The following CARD8 variants were observed in gnomAD, a reference collection of about 807,000 sequenced individuals.
CARD8 encodes the protein caspase recruitment domain family member 8.
In CARD8, 38 loss-of-function variants were observed where a neutral mutation model predicts 53.2. The ratio of observed to expected loss-of-function variants is 0.71; its 90% CI spans 0.55 to 0.94. The LOEUF (loss-of-function observed/expected upper bound fraction) is 0.94, where lower values mean the gene tolerates loss of function less well. Among genes scored for constraint, CARD8 ranks in the 40% least tolerant of loss-of-function variants. The pLI, the probability that CARD8 is intolerant of heterozygous loss-of-function variation, is 0.00. For missense variants in CARD8, 561 were observed against 655.5 expected (o/e 0.86, Z 1.57); for synonymous variants, 245 against 244.9 (o/e 1.00, Z 0.00).
At chr19:48,232,572 G>C (rs2043113493) in intron 6 of CARD8, 79 bp from the exon 7 acceptor site, 2 of 1,228,628 alleles carry the variant, frequency 1.6e-6, no homozygotes, top group Admixed American at 2.0e-5. Context: ...CGATGTTATT[G>C]AAAACTAGAG....
Position 48,231,806 on chromosome 19 carries a change from G to T in CARD8, c.396C>A (p.Asp132Glu). The change falls in exon 8 of 14, where the codon GAC becomes GAA. Residue 132 changes from aspartate to glutamate, a missense_variant. Physicochemically the swap from Asp to Glu is conservative, Grantham distance 45 (BLOSUM62 2). Coordinates refer to ENST00000651546, the MANE Select transcript of CARD8 (RefSeq NM_001184900.3). Reference protein sequence around the residue: ...QESSEGQDSGDICSEENQIVS... With the variant: ...QESSEGQDSGEICSEENQIVS... ...CTATTTGATTCTCTTCTGAGCAAAT[G>T]TCTCCTGAAAAGAAAATACTAGACA... 1 of 1,613,770 alleles carries T rather than the reference G, an allele frequency of 6.2e-7. No individual in the cohort carries two copies. Among genetic ancestry groups the T allele is most frequent in the Non-Finnish European group, 8.5e-7 (1 of 1,179,812 alleles).
downstream of CARD8, among the ~76,000 whole-genome samples, chr19:48,204,711 G>A (rs1411452306): frequency 2.6e-5 from 4 of 152,182 alleles, no homozygotes; most frequent in African/African-American, 9.7e-5. Context: ...CTATGGGAGG[G>A]ACTGGGAGGC....
chr19:48,253,958 T>C (rs935866820), intron 1 of CARD8, among the ~76,000 whole-genome samples: 3 of 152,144 alleles, frequency 2.0e-5, no homozygotes, highest in Non-Finnish European at 4.4e-5. Context: ...CACACAGCCA[T>C]TGAAGAATCC....
chr19:48,228,379 A>G (rs2042192113), intron 10 of CARD8, among the ~76,000 whole-genome samples: 1 of 152,196 alleles, frequency 6.6e-6, no homozygotes, highest in South Asian at 2.1e-4. Flanking sequence ...CTGGTGCCTA[A>G]AAGGTTGGGA....
chr19:48,233,740 C>G (rs1377413024), intron 6 of CARD8: 1 of 188,504 alleles, frequency 5.3e-6, no homozygotes, highest in African/African-American at 2.4e-5. Context: ...CCAAGTTGTT[C>G]AACACAACCA....
At chr19:48,254,471 G>C (rs966879231) in intron 1 of CARD8, among the ~76,000 whole-genome samples, 2 of 152,116 alleles carry the variant, frequency 1.3e-5, no homozygotes, top group African/African-American at 4.8e-5. Flanking sequence ...AAGAAATGCA[G>C]GCCTGGTGCG....
intron 10 of CARD8, among the ~76,000 whole-genome samples, chr19:48,226,584 A>G (rs1447461179): frequency 6.6e-6 from 1 of 152,166 alleles, no homozygotes; most frequent in Non-Finnish European, 1.5e-5. Flanking sequence ...GGCCAATTGC[A>G]TGTAATGGGG....
Position 48,242,014 on chromosome 19 carries a change from A to AATCTCCATTCC in CARD8, c.-43-952_-43-951insGGAATGGAGAT, listed in dbSNP as rs1346878751. ...TCCCCACAGGCACGCACACCCAGCC[A>AATCTCCATTCC]CAGGCACCCACGCATCCACCTTCTG... On this transcript the variant is annotated intron_variant, in intron 3 of 13. Coordinates refer to ENST00000651546, the MANE Select transcript of CARD8 (RefSeq NM_001184900.3). Among the ~76,000 whole-genome samples, 7 of 152,318 alleles carry AATCTCCATTCC rather than the reference A, an allele frequency of 4.6e-5. 1 individual carries two copies. Among genetic ancestry groups the AATCTCCATTCC allele is most frequent in the African/African-American group, 1.7e-4 (7 of 41,574 alleles).
intron 13 of CARD8, among the ~76,000 whole-genome samples, chr19:48,212,754 T>TG (rs2038282048): frequency 6.6e-6 from 1 of 152,244 alleles, no homozygotes; most frequent in Non-Finnish European, 1.5e-5. Context: ...CTGCTCAGCC[T>TG]GCAGTCACCA....
At chr19:48,204,092 C>G (rs1218265598), downstream of CARD8, 1 of 448,428 alleles carries the variant, frequency 2.2e-6, no homozygotes, top group South Asian at 1.6e-5. Flanking sequence ...ATTGTGGGGC[C>G]CGCTTGGATC....
At position 48,238,395 on chromosome 19, in the gene CARD8, A is replaced by C. The variant is rs763066159; in HGVS notation, c.197T>G (p.Val66Gly). Reference protein sequence around the residue: ...TGIFFQAEACVTNDTVYRELP... With the variant: ...TGIFFQAEACGTNDTVYRELP... ...AGATGTCCCTTACGTATCATTTGTC[A>C]CACAGGCCTCAGCCTGAAAAAAAAT... Residue 66 changes from valine (V) to glycine (G), a missense_variant, in exon 5 of 14, where the codon GTG (valine) becomes GGG (glycine). Transcript: ENST00000651546. 5 of 1,535,974 alleles carry C rather than the reference A, an allele frequency of 3.3e-6. No homozygotes were observed. The South Asian group carries it at 6.0e-5, about 18-fold the overall frequency.
chr19:48,247,163 A>G (rs749187699), intron 3 of CARD8, among the ~76,000 whole-genome samples: 36 of 152,116 alleles, frequency 2.4e-4, no homozygotes, highest in Non-Finnish European at 5.0e-4. Context: ...GTCTCTACGA[A>G]AAATACAAAA....
downstream of CARD8, among the ~76,000 whole-genome samples, chr19:48,205,064 A>C (rs1259130893): frequency 6.6e-6 from 1 of 152,144 alleles, no homozygotes; most frequent in Non-Finnish European, 1.5e-5. Context: ...ATTATAGGGG[A>C]AACAGGTATT....
intron 1 of CARD8, among the ~76,000 whole-genome samples, chr19:48,252,812 C>T (rs10401862): frequency 0.062 from 3,746 of 60,326 alleles, 91 homozygotes; most frequent in African/African-American, 0.16. Context: ...AGTATATACA[C>T]ACACACACAC....
At chr19:48,254,860 A>T (rs1220247715) in intron 1 of CARD8, among the ~76,000 whole-genome samples, 1 of 152,178 alleles carries the variant, frequency 6.6e-6, no homozygotes, top group African/African-American at 2.4e-5. Context: ...TCACAACCTT[A>T]AAAAAATATA....
chr19:48,226,143 C>A (rs2041746434), intron 10 of CARD8, among the ~76,000 whole-genome samples: 1 of 151,324 alleles, frequency 6.6e-6, no homozygotes, highest in African/African-American at 2.4e-5. Context: ...ATTAAAGAAT[C>A]TTTGGCCAAA....
chr19:48,238,349 TTTAA>T, intron 5 of CARD8, 30 bp downstream of exon 5: 1 of 1,529,200 alleles, frequency 6.5e-7, no homozygotes, highest in Non-Finnish European at 8.7e-7. Context: ...ATTCCAAATC[TTTAA>T]TTTTTTCCCA....
chr19:48,238,077 G>C (rs1195436036), intron 5 of CARD8, among the ~76,000 whole-genome samples: 1 of 151,774 alleles, frequency 6.6e-6, no homozygotes, highest in Non-Finnish European at 1.5e-5. Context: ...TTTTAGTAGA[G>C]ATGGGGTTTC....
chr19:48,226,980 C>T (rs550977217), intron 10 of CARD8, among the ~76,000 whole-genome samples: 49 of 151,252 alleles, frequency 3.2e-4, no homozygotes, highest in African/African-American at 1.1e-3. Context: ...CACCATAATC[C>T]CGGTGAGGCA....
Sources: gnomAD v4.1 joint callset for allele counts (sites outside exome capture counted in the v4.1 genomes callset) on GRCh38, gnomAD v4.1.1 for gene constraint, MANE v1.5 for transcripts, NCBI Gene and HGNC (gene_info 2026-07-23, HGNC 2026-07-21) for gene names.